The following CENPF variants were observed in gnomAD, a reference collection of about 807,000 sequenced individuals.
CENPF encodes centromere protein F, also known as AH antigen.
A neutral mutation model predicts 307.3 loss-of-function variants in CENPF; 214 were observed. The observed-to-expected ratio is 0.70, with a 90% confidence interval of 0.62 to 0.78. CENPF has a LOEUF of 0.78. Ranked by LOEUF, CENPF falls within the 30% of genes least tolerant of loss-of-function variation. The pLI is 0.00. For missense variants in CENPF, 3,401 were observed against 3,483.9 expected (o/e 0.98, Z 0.60); for synonymous variants, 1,259 against 1,270.6 (o/e 0.99, Z 0.19).
intron 1 of CENPF, among the ~76,000 whole-genome samples, chr1:214,608,006 C>T (rs1657084980): frequency 6.6e-6 from 1 of 152,210 alleles, no homozygotes. Flanking sequence ...CACCCACTCC[C>T]TCCCGCCGGG....
chr1:214,636,861 G>T (rs1558180532), intron 10 of CENPF, among the ~76,000 whole-genome samples: 1 of 152,168 alleles, frequency 6.6e-6, no homozygotes, highest in Non-Finnish European at 1.5e-5. Flanking sequence ...TGAGGTGCTT[G>T]GTTCTCTTAG....
Position 214,663,729 on chromosome 1 carries a change from C to G in CENPF, c.9280C>G (p.Arg3094Gly), listed in dbSNP as rs869312748. The change falls in exon 20 of 20, where the codon CGA (arginine) becomes GGA (glycine). Residue 3094 changes from arginine to glycine, a missense_variant. Arg to Gly is a moderately radical substitution (Grantham distance 125). Transcript: ENST00000366955. Reference sequence around the variant, plus strand: ...AGAGGGCCTGAGGGTCAAGCGAGGCCGACTTGTCCCCAGCCCCAAAGCTGG... The same window carrying G: ...AGAGGGCCTGAGGGTCAAGCGAGGCGGACTTGTCCCCAGCCCCAAAGCTGG... ...PREGLRVKRG[R>G]LVPSPKAGLE... 1.2e-6 allele frequency: 2 copies of G among 1,614,052 alleles called. No individual in the cohort carries two copies. Among genetic ancestry groups the G allele is most frequent in the Non-Finnish European group, 1.7e-6 (2 of 1,180,044 alleles).
chr1:214,623,652 A>T (rs554938982), intron 7 of CENPF, among the ~76,000 whole-genome samples: 1 of 152,032 alleles, frequency 6.6e-6, no homozygotes, highest in East Asian at 1.9e-4. Flanking sequence ...GACTCATTTC[A>T]CAAGCATGTA....
chr1:214,643,847 A>G (rs1658204935), intron 12 of CENPF, among the ~76,000 whole-genome samples: 1 of 152,256 alleles, frequency 6.6e-6, no homozygotes. Flanking sequence ...AAGTCATTTA[A>G]AAGGGCTTTT....
At chr1:214,605,793 T>A in intron 1 of CENPF, 1 of 1,590,958 alleles carries the variant, frequency 6.3e-7, no homozygotes, top group Non-Finnish European at 8.5e-7. Context: ...TCCACCGCCT[T>A]GGGGCAGCGC....
rs28391086 is a variant in CENPF, at chr1:214,608,342, C to T, written c.-42+5021C>T. On this transcript the variant is annotated intron_variant, in intron 1 of 19. Coordinates refer to ENST00000366955, the MANE Select transcript of CENPF (RefSeq NM_016343.4). ...GTGCGCAGGGCCTGCCAGGCGGCGT[C>T]GATGTCGGCATAGAGGTTCCTCTCG... The T allele has an allele frequency of 0.011, 18,105 of 1,607,708 alleles. 1,564 individuals carry two copies. In the African/African-American group the frequency reaches 0.2, roughly 18 times the overall value.
chr1:214,624,145 A>C (rs546289113), intron 7 of CENPF, among the ~76,000 whole-genome samples: 9 of 152,218 alleles, frequency 5.9e-5, no homozygotes, highest in South Asian at 2.1e-4. Flanking sequence ...CTTACAGTGT[A>C]TAATTTAAAA....
chr1:214,643,734 T>A (rs1017688655), intron 12 of CENPF, among the ~76,000 whole-genome samples: 5 of 152,230 alleles, frequency 3.3e-5, no homozygotes, highest in African/African-American at 7.2e-5. Context: ...TTTTTGATGT[T>A]ATGGCATTAT....
In CENPF at chr1:214,640,679, C is replaced by T; in HGVS notation, c.2341C>T (p.Gln781Ter). The change falls in exon 12 of 20, where the codon CAG (glutamine) becomes TAG (stop). Residue 781 changes from glutamine to a stop codon, truncating the protein, a stop_gained. Coordinates refer to ENST00000366955, the MANE Select transcript of CENPF (RefSeq NM_016343.4). LOFTEE classifies it high-confidence loss of function. Reference sequence around the variant, plus strand: ...TTCTCTGGTGACAAATGAAGATCATCAGAGAAGTCTTTTGGCTTTTGATCA... The same window carrying T: ...TTCTCTGGTGACAAATGAAGATCATTAGAGAAGTCTTTTGGCTTTTGATCA... Reference protein sequence around the residue: ...DASLVTNEDHQRSLLAFDQQP... With the variant: ...DASLVTNEDH 6.2e-7 allele frequency: 1 copy of T among 1,614,030 alleles called. No homozygotes were observed. The highest frequency in any genetic ancestry group is 8.5e-7 in the Non-Finnish European group (1 of 1,179,984).
At chr1:214,615,982 C>G (rs556653032) in intron 3 of CENPF, among the ~76,000 whole-genome samples, 1 of 152,156 alleles carries the variant, frequency 6.6e-6, no homozygotes, top group Non-Finnish European at 1.5e-5. Flanking sequence ...TTAAAATTTA[C>G]ACTGCTAACT....
chr1:214,606,822 C>T (rs1657046200), intron 1 of CENPF, among the ~76,000 whole-genome samples: 2 of 152,210 alleles, frequency 1.3e-5, no homozygotes, highest in African/African-American at 2.4e-5. Flanking sequence ...ACAAGGCCTC[C>T]TCGTGCCCAG....
chr1:214,608,529 A>C (rs1657102800), intron 1 of CENPF: 1 of 1,611,892 alleles, frequency 6.2e-7, no homozygotes, highest in East Asian at 2.2e-5. Context: ...TCACGCAGCG[A>C]ACATACATGC....
chr1:214,654,904 G>T (rs1294975350), intron 16 of CENPF, among the ~76,000 whole-genome samples: 1 of 152,116 alleles, frequency 6.6e-6, no homozygotes, highest in Admixed American at 6.6e-5. Context: ...GAGAATTTTG[G>T]ACTCACCAAG....
At chr1:214,625,024 T>C (rs1245216178) in intron 7 of CENPF, among the ~76,000 whole-genome samples, 1 of 152,184 alleles carries the variant, frequency 6.6e-6, no homozygotes, top group Non-Finnish European at 1.5e-5. Flanking sequence ...TTTATCACTA[T>C]TTAGTGTCCA....
intron 7 of CENPF, among the ~76,000 whole-genome samples, chr1:214,624,149 T>A (rs1226251039): frequency 6.6e-6 from 1 of 152,078 alleles, no homozygotes; most frequent in Non-Finnish European, 1.5e-5. Context: ...CAGTGTATAA[T>A]TTAAAAAATA....
rs1311323048 is a variant in CENPF, at chr1:214,618,646, C to A, written c.433C>A (p.Pro145Thr). Residue 145 changes from proline to threonine, a missense_variant, in exon 4 of 20, where the codon CCA (proline) becomes ACA (threonine). Coordinates refer to ENST00000366955, the MANE Select transcript of CENPF (RefSeq NM_016343.4). ...ADVSLNPCNTPQKIFTTPLTP... is the reference protein window; with the variant it reads ...ADVSLNPCNTTQKIFTTPLTP... ...TGTCTCTCTGAATCCATGCAATACACCACAAAAAATTTTTACAACTCCACT... is the reference window on the plus strand; with the variant it reads ...TGTCTCTCTGAATCCATGCAATACAACACAAAAAATTTTTACAACTCCACT... 1 of 1,613,736 alleles carries A rather than the reference C, an allele frequency of 6.2e-7. No individual in the cohort carries two copies. The highest frequency in any genetic ancestry group is 8.5e-7 in the Non-Finnish European group (1 of 1,179,878).
chr1:214,652,632 CA>C (rs1385422290), intron 15 of CENPF, among the ~76,000 whole-genome samples, 195 bp from the exon 16 acceptor site: 3 of 150,572 alleles, frequency 2.0e-5, no homozygotes, highest in East Asian at 4.0e-4. Context: ...TTAGTAGAGA[CA>C]GGGGTTTCAC....
At chr1:214,655,431 A>C (rs761681279) in intron 17 of CENPF, 28 bp downstream of exon 17, 1 of 1,532,246 alleles carries the variant, frequency 6.5e-7, no homozygotes. Context: ...CACATCAACT[A>C]GCCAGAACTC....
chr1:214,643,440 A>G (rs1658193173), intron 12 of CENPF, 116 bp downstream of exon 12: 1 of 955,088 alleles, frequency 1.0e-6, no homozygotes, highest in South Asian at 3.7e-5. Context: ...TTTAGGGTTC[A>G]AGGAAATAAA....
Sources: allele counts gnomAD v4.1 joint callset (sites outside exome capture counted in the v4.1 genomes callset), GRCh38; gene constraint gnomAD v4.1.1; transcripts MANE v1.5; gene names NCBI Gene and HGNC (gene_info 2026-07-23, HGNC 2026-07-21).